PALS1: variants seen among roughly 807,000 people sequenced by gnomAD.
PALS1 encodes the protein protein associated with LIN7 1, MAGUK p55 family member.
A neutral mutation model predicts 78.9 loss-of-function variants in PALS1; 31 were observed. That is an observed-to-expected ratio of 0.39 (90% CI 0.30 to 0.53). The LOEUF (loss-of-function observed/expected upper bound fraction) is 0.53, where lower values mean the gene tolerates loss of function less well. Among genes scored for constraint, PALS1 ranks in the 20% least tolerant of loss-of-function variants. The pLI is 0.67. For missense variants in PALS1, 704 were observed against 826.5 expected (o/e 0.85, Z 1.82); for synonymous variants, 276 against 270.9 (o/e 1.02, Z -0.18).
At chr14:67,266,951 A>C (rs1388880135) in intron 1 of PALS1, among the ~76,000 whole-genome samples, 2 of 151,812 alleles carry the variant, frequency 1.3e-5, no homozygotes, top group Non-Finnish European at 2.9e-5. Flanking sequence ...CTCTACTAAA[A>C]ATACAAAATT....
intron 1 of PALS1, among the ~76,000 whole-genome samples, chr14:67,256,171 C>T (rs1042612187): frequency 3.9e-5 from 6 of 152,070 alleles, no homozygotes; most frequent in Non-Finnish European, 8.8e-5. Context: ...GTCTATTATC[C>T]TCATTTTTCA....
intron 3 of PALS1, chr14:67,279,773 A>T: frequency 5.0e-6 from 2 of 400,590 alleles, no homozygotes; most frequent in Non-Finnish European, 8.7e-6. Context: ...TTTAGATATT[A>T]AAGAGTTCTG....
intron 6 of PALS1, 126 bp downstream of exon 6, chr14:67,302,244 G>A (rs2084941850): frequency 1.7e-6 from 2 of 1,195,258 alleles, no homozygotes; most frequent in Non-Finnish European, 2.2e-6. Context: ...GGGGGAAATG[G>A]TCAACTTTTA....
Position 67,264,389 on chromosome 14 carries a change from G to A in PALS1, c.-236-5312G>A, listed in dbSNP as rs1392338600. 3.9e-5 allele frequency among the ~76,000 whole-genome samples: 6 copies of A among 152,020 alleles called. No homozygotes were observed. The South Asian group carries it at 6.2e-4, about 16-fold the overall frequency. ...TTGGCTATTTGATGTAATCTCATTC[G>A]TCTGTTTTTGCCTTTGTTGCCTGTG... On this transcript the variant is annotated intron_variant, in intron 1 of 14. Transcript: ENST00000261681.
chr14:67,285,797 T>G (rs1180691081), intron 3 of PALS1, among the ~76,000 whole-genome samples: 3 of 152,208 alleles, frequency 2.0e-5, no homozygotes, highest in African/African-American at 4.8e-5. Flanking sequence ...GTTGCCTGTT[T>G]CAGAGTCCAT....
At chr14:67,244,260 T>A (rs1288483378) in intron 1 of PALS1, among the ~76,000 whole-genome samples, 1 of 152,240 alleles carries the variant, frequency 6.6e-6, no homozygotes, top group Non-Finnish European at 1.5e-5. Context: ...AATGTATGTA[T>A]ACCTACCTAT....
intron 14 of PALS1, among the ~76,000 whole-genome samples, chr14:67,330,225 CTT>C (rs904659833): frequency 6.6e-6 from 1 of 150,574 alleles, no homozygotes. Flanking sequence ...GGGCATTTGT[CTT>C]TATTGTCTCT....
At chr14:67,302,880 TAACAA>T (rs1424814671) in intron 7 of PALS1, among the ~76,000 whole-genome samples, 1 of 152,218 alleles carries the variant, frequency 6.6e-6, no homozygotes, top group African/African-American at 2.4e-5. Context: ...TGGGAAACAG[TAACAA>T]AACAAAGTCT....
At chr14:67,326,259 T>TTTTTTTTG (rs2085356808) in intron 14 of PALS1, among the ~76,000 whole-genome samples, 2 of 122,984 alleles carry the variant, frequency 1.6e-5, no homozygotes, top group Non-Finnish European at 3.2e-5. Flanking sequence ...TTTTTTTTTT[T>TTTTTTTTG]GAGAGGAGAT....
intron 3 of PALS1, among the ~76,000 whole-genome samples, chr14:67,287,858 A>G (rs139128144): frequency 2.0e-3 from 310 of 152,340 alleles, no homozygotes; most frequent in African/African-American, 7.0e-3. Context: ...AATTTTCAAA[A>G]TAATGTCAGT....
intron 1 of PALS1, among the ~76,000 whole-genome samples, chr14:67,257,242 G>A (rs772721057): frequency 6.6e-6 from 1 of 152,132 alleles, no homozygotes; most frequent in East Asian, 1.9e-4. Context: ...AAACCATAGG[G>A]CAGAGGAAGC....
intron 1 of PALS1, among the ~76,000 whole-genome samples, chr14:67,244,676 T>G (rs184870372): frequency 7.8e-4 from 118 of 152,234 alleles, no homozygotes; most frequent in Middle Eastern, 3.4e-3. Flanking sequence ...TGCAAATAGG[T>G]TTTTGTGTAA....
rs1441507489 is a variant in PALS1, at chr14:67,321,045, TTGTTTGCCTAG to T, written c.1538-11_1538-1del. ...CCATGCCTGTTATTTCTATCTGATTTTGTTTGCCTAGATACAACCCGGAGTAGGCGAGACCA... is the reference window on the plus strand; with the variant it reads ...CCATGCCTGTTATTTCTATCTGATTTATACAACCCGGAGTAGGCGAGACCA... On this transcript the variant is annotated splice_acceptor_variant and splice_polypyrimidine_tract_variant and intron_variant, in intron 12 of 14. Transcript: ENST00000261681. LOFTEE classifies it high-confidence loss of function. 1 of 1,613,220 alleles carries T rather than the reference TTGTTTGCCTAG, an allele frequency of 6.2e-7. No individual in the cohort carries two copies. Among genetic ancestry groups the T allele is most frequent in the Non-Finnish European group, 8.5e-7 (1 of 1,179,304 alleles).
chr14:67,284,905 A>AATTTTT (rs536757661), intron 3 of PALS1, among the ~76,000 whole-genome samples: 4 of 152,130 alleles, frequency 2.6e-5, no homozygotes, highest in African/African-American at 4.8e-5. Flanking sequence ...TAGGTTAAAA[A>AATTTTT]ATTTTTATTT....
chr14:67,329,590 T>C (rs908970475), intron 14 of PALS1, among the ~76,000 whole-genome samples: 3 of 152,178 alleles, frequency 2.0e-5, no homozygotes, highest in African/African-American at 7.2e-5. Context: ...TTTTTGTCCA[T>C]TCAGTATGAT....
intron 1 of PALS1, among the ~76,000 whole-genome samples, chr14:67,258,965 C>T (rs138919304): frequency 0.061 from 9,201 of 151,732 alleles, 603 homozygotes; most frequent in African/African-American, 0.16. Context: ...GCCTCACCCT[C>T]CCGAGTAGCT....
chr14:67,294,683 T>C (rs528718409), intron 4 of PALS1: 17 of 152,272 alleles, frequency 1.1e-4, no homozygotes, highest in African/African-American at 3.9e-4. Context: ...TAGTGCTTTT[T>C]TTTTTTTGAG....
Position 67,279,154 on chromosome 14 carries a change from G to A in PALS1, c.-17G>A. ...AAATTGATTTATAAAAAGTGGTACAGGTTTTCATAGATAACCATGACAACA... is the reference window on the plus strand; with the variant it reads ...AAATTGATTTATAAAAAGTGGTACAAGTTTTCATAGATAACCATGACAACA... On this transcript the variant is annotated 5_prime_UTR_variant, in exon 3 of 15. Coordinates refer to ENST00000261681, the MANE Select transcript of PALS1 (RefSeq NM_022474.4). 2 of 1,546,956 alleles carry A rather than the reference G, an allele frequency of 1.3e-6. No homozygotes were observed. Among genetic ancestry groups the A allele is most frequent in the Non-Finnish European group, 1.7e-6 (2 of 1,150,734 alleles).
In PALS1 at chr14:67,242,559, A is replaced by G. The variant is rs561537555; in HGVS notation, c.-237+1026A>G. On this transcript the variant is annotated intron_variant, in intron 1 of 14. Transcript: ENST00000261681. ...AATAGGAACAAATGACGTGTTGGTT[A>G]TTGGTGTCTTTGAAGTATTGGTGGT... 2.0e-5 allele frequency among the ~76,000 whole-genome samples: 3 copies of G among 152,278 alleles called. No homozygotes were observed. The East Asian group carries it at 5.8e-4, about 29-fold the overall frequency.
Sources: gnomAD v4.1 joint callset for allele counts (sites outside exome capture counted in the v4.1 genomes callset) on GRCh38, gnomAD v4.1.1 for gene constraint, MANE v1.5 for transcripts, NCBI Gene and HGNC (gene_info 2026-07-23, HGNC 2026-07-21) for gene names.